KYNU: variants seen among roughly 807,000 people sequenced by gnomAD.
KYNU encodes the protein L-kynurenine hydrolase.
A neutral mutation model predicts 59.2 loss-of-function variants in KYNU; 54 were observed. That is an observed-to-expected ratio of 0.91 (90% CI 0.73 to 1.14). The LOEUF is 1.14. Among genes scored for constraint, KYNU ranks in the 50% most tolerant of loss-of-function variants. The probability of loss-of-function intolerance (pLI) is 0.00; values close to 1 mark genes in which losing one functional copy is unlikely to be tolerated. For synonymous variants in KYNU, 177 were observed against 192.0 expected, an observed-to-expected ratio of 0.92 and a Z score of 0.65; for missense variants, 567 against 554.4, an observed-to-expected ratio of 1.02 and a Z score of -0.23.
chr2:142,944,179 T>A (rs984648885), intron 4 of KYNU, among the ~76,000 whole-genome samples: 1 of 152,216 alleles, frequency 6.6e-6, no homozygotes, highest in African/African-American at 2.4e-5. Flanking sequence ...TCTTTGCACA[T>A]CAGTTTCCTC....
chr2:143,012,882 A>C (rs1374898719), intron 10 of KYNU, among the ~76,000 whole-genome samples: 1 of 152,200 alleles, frequency 6.6e-6, no homozygotes, highest in East Asian at 1.9e-4. Context: ...GTCTTTGGTA[A>C]CCACTCTTTT....
At chr2:142,894,116 C>T (rs1045304290) in intron 2 of KYNU, among the ~76,000 whole-genome samples, 4 of 152,122 alleles carry the variant, frequency 2.6e-5, no homozygotes, top group South Asian at 2.1e-4. Context: ...CCTCGAAATA[C>T]GAAGTGTCTC....
At chr2:142,905,479 T>C (rs1443170396) in intron 2 of KYNU, among the ~76,000 whole-genome samples, 1 of 152,228 alleles carries the variant, frequency 6.6e-6, no homozygotes, top group East Asian at 1.9e-4. Context: ...CTAGGTCTGG[T>C]AGGACCTTTG....
At chr2:142,934,307 G>A (rs917022253) in intron 4 of KYNU, among the ~76,000 whole-genome samples, 1 of 152,118 alleles carries the variant, frequency 6.6e-6, no homozygotes, top group African/African-American at 2.4e-5. Context: ...CCTAAACAGA[G>A]GGGTTAACTA....
rs574340175 is a variant in KYNU, at chr2:142,952,948, C to T, written c.374-1862C>T. Among the ~76,000 whole-genome samples, 25 of 151,704 alleles carry T rather than the reference C, an allele frequency of 1.6e-4. No individual in the cohort carries two copies. The East Asian group carries it at 4.3e-3, about 26-fold the overall frequency. On this transcript the variant is annotated intron_variant, in intron 4 of 13. Coordinates refer to ENST00000264170, the MANE Select transcript of KYNU (RefSeq NM_003937.3). ...CATTTTTTTTAAATAAATGGTTTTC[C>T]AAATAGATGTGTGCAAATAACAGGG...
rs185928724 is a variant in KYNU, at chr2:143,036,924, G to A, written c.1042-3504G>A. On this transcript the variant is annotated intron_variant, in intron 12 of 13. Transcript: ENST00000264170. ...AGAAATATTCAACACAGTCAAATAC[G>A]AACTGGAGGAGAGATTCTATACTTA... Among the ~76,000 whole-genome samples the A allele has an allele frequency of 2.3e-4, 35 of 152,216 alleles. No homozygotes were observed. The South Asian group carries it at 2.5e-3, about 11-fold the overall frequency.
At chr2:142,912,336 G>A (rs967536485) in intron 2 of KYNU, among the ~76,000 whole-genome samples, 1 of 148,486 alleles carries the variant, frequency 6.7e-6, no homozygotes, top group Non-Finnish European at 1.5e-5. Context: ...CATGGATAAA[G>A]TGTTCATAAG....
chr2:142,889,310 G>A (rs1348070044), intron 2 of KYNU, among the ~76,000 whole-genome samples: 4 of 152,080 alleles, frequency 2.6e-5, no homozygotes, highest in South Asian at 2.1e-4. Context: ...AGACAGTGGC[G>A]GGGGGACTCA....
At chr2:142,990,783 T>G (rs1685376875) in intron 10 of KYNU, among the ~76,000 whole-genome samples, 2 of 151,950 alleles carry the variant, frequency 1.3e-5, no homozygotes. Flanking sequence ...ACTTGAATTT[T>G]AAATCATGCC....
intron 4 of KYNU, among the ~76,000 whole-genome samples, chr2:142,931,479 A>G (rs1246272680): frequency 6.6e-6 from 1 of 152,192 alleles, no homozygotes; most frequent in Non-Finnish European, 1.5e-5. Flanking sequence ...GGAGGTGTCA[A>G]CAGGGAGAGG....
At chr2:142,968,651 C>T (rs750808318) in intron 8 of KYNU, among the ~76,000 whole-genome samples, 2 of 152,162 alleles carry the variant, frequency 1.3e-5, no homozygotes, top group Non-Finnish European at 2.9e-5. Flanking sequence ...CCGTAGCTCA[C>T]GCCTGTAGTC....
At chr2:142,988,130 A>G (rs1685275148) in intron 10 of KYNU, among the ~76,000 whole-genome samples, 1 of 151,850 alleles carries the variant, frequency 6.6e-6, no homozygotes, top group South Asian at 2.1e-4. Flanking sequence ...TATGTGATCA[A>G]TAGGTATGGG....
chr2:142,945,240 A>G (rs1468822255), intron 4 of KYNU, among the ~76,000 whole-genome samples: 1 of 152,246 alleles, frequency 6.6e-6, no homozygotes, highest in African/African-American at 2.4e-5. Flanking sequence ...CTCACAGTAG[A>G]ACTTTCAAAA....
chr2:142,942,160 G>GAAAAAAAAAAAAAAA (rs56221582), intron 4 of KYNU, among the ~76,000 whole-genome samples: 1 of 96,360 alleles, frequency 1.0e-5, no homozygotes, highest in Non-Finnish European at 2.1e-5. Flanking sequence ...CTGGGTGACA[G>GAAAAAAAAAAAAAAA]AAAAAAAAAA....
chr2:143,026,546 C>T (rs570150625), intron 10 of KYNU, among the ~76,000 whole-genome samples: 1 of 152,218 alleles, frequency 6.6e-6, no homozygotes, highest in Admixed American at 6.5e-5. Context: ...GGACCCAACC[C>T]CACTCACTCG....
chr2:143,015,802 C>T (rs1436856112), intron 10 of KYNU, among the ~76,000 whole-genome samples: 1 of 152,064 alleles, frequency 6.6e-6, no homozygotes, highest in Non-Finnish European at 1.5e-5. Context: ...GAATCAGTGA[C>T]GTCAGTTTGG....
At chr2:143,034,170 G>A (rs924653200) in intron 12 of KYNU, among the ~76,000 whole-genome samples, 4 of 150,922 alleles carry the variant, frequency 2.7e-5, no homozygotes, top group East Asian at 1.9e-4. Flanking sequence ...CATAAATAAT[G>A]TAAATATATA....
rs1683087433 is a variant in KYNU, at chr2:142,927,680, G to A, written c.312G>A (p.Val104=). ...TCAGAGCAGCCTATGGTCATGAAGT[G>A]GGGAAGCGTCCTTGGATTACAGGAG... ...WAKIAAYGHE[V]GKRPWITGDE... is the part of the protein sequence containing the mutation. Residue 104 remains valine (V), a synonymous_variant, in exon 4 of 14, where the codon GTG becomes GTA. Coordinates refer to ENST00000264170, the MANE Select transcript of KYNU (RefSeq NM_003937.3). 2 of 1,613,266 alleles carry A rather than the reference G, an allele frequency of 1.2e-6. No individual in the cohort carries two copies. The highest frequency in any genetic ancestry group is 2.2e-5 in the East Asian group (1 of 44,778).
rs1687098609 is a variant in KYNU at position 143,042,915 on chromosome 2, AAC to A, written c.*745_*746del. The A allele has an allele frequency of 6.7e-6, 1 of 150,344 alleles. No homozygotes were observed. Among genetic ancestry groups the A allele is most frequent in the African/African-American group, 2.4e-5 (1 of 41,020 alleles). The allele number at this position is 150,344 out of a possible 1,614,324, so 9.3% of individuals were successfully genotyped here. On this transcript the variant is annotated 3_prime_UTR_variant, in exon 14 of 14. Coordinates refer to ENST00000264170, the MANE Select transcript of KYNU (RefSeq NM_003937.3). ...ATGAAATTAGCATGCATCTCAAATA[AAC>A]AGTTACCATCTTCTATTTGATAAAA...
Sources: allele counts gnomAD v4.1 joint callset (sites outside exome capture counted in the v4.1 genomes callset), GRCh38; gene constraint gnomAD v4.1.1; transcripts MANE v1.5; gene names NCBI Gene and HGNC (gene_info 2026-07-23, HGNC 2026-07-21).